MAST4: variants seen among roughly 807,000 people sequenced by gnomAD.
MAST4 encodes the protein microtubule-associated serine/threonine-protein kinase 4.
MAST4 carries 89 observed loss-of-function variants against 162.7 expected under a neutral mutation model. The observed-to-expected ratio is 0.55, with a 90% CI of 0.46 to 0.65. The LOEUF (loss-of-function observed/expected upper bound fraction) is 0.65, where lower values mean the gene tolerates loss of function less well. Among genes scored for constraint, MAST4 ranks in the 30% least tolerant of loss-of-function variants. The probability of loss-of-function intolerance (pLI) is 0.00; values close to 1 mark genes in which losing one functional copy is unlikely to be tolerated. For missense variants in MAST4, 3,153 were observed against 3,374.0 expected (o/e 0.93, Z 1.62); for synonymous variants, 1,479 against 1,361.1 (o/e 1.09, Z -1.91).
Position 66,597,024 on chromosome 5 carries a change from C to A in MAST4, c.363+6C>A. The A allele has an allele frequency of 2.1e-6, 3 of 1,431,722 alleles. No homozygotes were observed. Among genetic ancestry groups the A allele is most frequent in the Non-Finnish European group, 1.8e-6 (2 of 1,099,094 alleles). 88.7% of individuals were successfully genotyped at this position (1,431,722 alleles called of 1,614,324 possible). On this transcript the variant is annotated splice_donor_region_variant and intron_variant, in intron 1 of 28. Transcript: ENST00000403625. ...AGGAGGAGCAGGACGAGGAGGTGGG[C>A]CTTTCCCCAGCTTGCCCACTCTGGG...
chr5:66,963,621 A>G (rs1746288865), intron 4 of MAST4: 2 of 756,978 alleles, frequency 2.6e-6, no homozygotes, highest in South Asian at 2.9e-5. Context: ...ATTCTGGCCT[A>G]AAGGGAACAC....
At chr5:66,848,033 G>A (rs1759014552) in intron 3 of MAST4, among the ~76,000 whole-genome samples, 1 of 152,016 alleles carries the variant, frequency 6.6e-6, no homozygotes, top group East Asian at 1.9e-4. Flanking sequence ...TTGCCCCAGT[G>A]GATAAATCCT....
intron 2 of MAST4, among the ~76,000 whole-genome samples, chr5:66,779,236 C>G (rs1281868774): frequency 1.3e-5 from 2 of 152,190 alleles, no homozygotes; most frequent in African/African-American, 4.8e-5. Flanking sequence ...TCACCCTACT[C>G]CCAATACCAG....
chr5:66,800,587 A>C (rs1043356698), intron 3 of MAST4, among the ~76,000 whole-genome samples: 2 of 152,072 alleles, frequency 1.3e-5, no homozygotes, highest in Non-Finnish European at 2.9e-5. Context: ...AAAATAACTA[A>C]TGGGTACTGG....
rs373020504 is a variant in MAST4, at chr5:67,134,651, G to A, written c.2355G>A (p.Gly785=). 3 of 1,613,386 alleles carry A rather than the reference G, an allele frequency of 1.9e-6. No homozygotes were observed. The highest frequency in any genetic ancestry group is 1.1e-5 in the South Asian group (1 of 91,040). The change falls in exon 18 of 29, where the codon GGG becomes GGA. Residue 785 remains glycine, a synonymous_variant. Transcript: ENST00000403625. ...TGGTTGGATGCGTGCCATTCTTTGG[G>A]GATACTCCAGAGGAGCTATTTGGAC... The part of the protein sequence containing the change: ...EFLVGCVPFF[G]DTPEELFGQV...
At chr5:66,634,377 G>A (rs2149425660) in intron 1 of MAST4, among the ~76,000 whole-genome samples, 1 of 151,944 alleles carries the variant, frequency 6.6e-6, no homozygotes, top group Non-Finnish European at 1.5e-5. Flanking sequence ...TTTTTTCTTA[G>A]GAACATTGTT....
intron 2 of MAST4, among the ~76,000 whole-genome samples, chr5:66,778,631 A>G (rs1036883426): frequency 6.6e-6 from 1 of 152,226 alleles, no homozygotes; most frequent in Non-Finnish European, 1.5e-5. Flanking sequence ...TCCATTTAAA[A>G]ATAAACTATG....
intron 4 of MAST4, among the ~76,000 whole-genome samples, chr5:66,971,495 C>T (rs1183475198): frequency 6.6e-6 from 1 of 152,152 alleles, no homozygotes; most frequent in African/African-American, 2.4e-5. Flanking sequence ...AAGGATTCCT[C>T]ACCCCGTTTG....
chr5:66,618,036 G>A (rs529534989), intron 1 of MAST4, among the ~76,000 whole-genome samples: 2 of 152,010 alleles, frequency 1.3e-5, no homozygotes, highest in Non-Finnish European at 2.9e-5. Flanking sequence ...GGAGGAATGG[G>A]GGGGGGGCCC....
At chr5:67,104,855 G>GTGAT (rs1398682714) in intron 10 of MAST4, among the ~76,000 whole-genome samples, 2 of 152,188 alleles carry the variant, frequency 1.3e-5, no homozygotes, top group South Asian at 2.1e-4. Context: ...TTTTGAAGCA[G>GTGAT]TGATTTTTTC....
At chr5:66,845,270 C>T (rs1019567555) in intron 3 of MAST4, among the ~76,000 whole-genome samples, 2 of 151,560 alleles carry the variant, frequency 1.3e-5, no homozygotes, top group South Asian at 2.1e-4. Context: ...CCTCACCCAT[C>T]CCTCCACCCC....
At chr5:67,141,971 G>A in intron 19 of MAST4, 144 bp from the exon 20 acceptor site, 1 of 869,730 alleles carries the variant, frequency 1.1e-6, no homozygotes, top group Non-Finnish European at 1.7e-6. Flanking sequence ...TGGGGCTTTG[G>A]TTGTAGAATG....
intron 3 of MAST4, among the ~76,000 whole-genome samples, chr5:66,890,411 A>G (rs1371045301): frequency 6.6e-6 from 1 of 152,196 alleles, no homozygotes; most frequent in Non-Finnish European, 1.5e-5. Context: ...CATCAAGGGT[A>G]TAATGTGTTA....
chr5:67,031,233 T>C (rs576312874), intron 4 of MAST4, among the ~76,000 whole-genome samples: 1 of 152,306 alleles, frequency 6.6e-6, no homozygotes, highest in South Asian at 2.1e-4. Context: ...ATACAGAGAA[T>C]CTGTCAGCTC....
chr5:66,987,047 T>C (rs575634358), intron 4 of MAST4, among the ~76,000 whole-genome samples: 2 of 152,342 alleles, frequency 1.3e-5, no homozygotes, highest in East Asian at 1.9e-4. Flanking sequence ...GAGCAAATCT[T>C]CCTCAATGCT....
intron 4 of MAST4, among the ~76,000 whole-genome samples, chr5:66,931,512 C>G (rs996334452): frequency 3.3e-5 from 5 of 152,140 alleles, no homozygotes; most frequent in Admixed American, 3.3e-4. Flanking sequence ...GCCGAGCTAA[C>G]TCTGATTCTA....
chr5:66,892,403 A>G (rs1762417121), intron 3 of MAST4, among the ~76,000 whole-genome samples: 1 of 152,040 alleles, frequency 6.6e-6, no homozygotes, highest in African/African-American at 2.4e-5. Context: ...CTTTCTCCCC[A>G]GTGTCTGGCA....
chr5:66,880,805 C>A (rs1761643093), intron 3 of MAST4, among the ~76,000 whole-genome samples: 1 of 152,050 alleles, frequency 6.6e-6, no homozygotes, highest in South Asian at 2.1e-4. Context: ...TCAAAAATAC[C>A]AAAGGTAAAA....
At chr5:66,939,138 GA>G (rs1287628295) in intron 4 of MAST4, among the ~76,000 whole-genome samples, 1 of 152,024 alleles carries the variant, frequency 6.6e-6, no homozygotes, top group Non-Finnish European at 1.5e-5. Context: ...ATAGGTAAAA[GA>G]AAAACAGATG....
Sources: gnomAD v4.1 joint callset for allele counts (sites outside exome capture counted in the v4.1 genomes callset) on GRCh38, gnomAD v4.1.1 for gene constraint, MANE v1.5 for transcripts, NCBI Gene and HGNC (gene_info 2026-07-23, HGNC 2026-07-21) for gene names.